Variants in MARS1 observed in about 807,000 individuals in gnomAD.
MARS1 encodes methionine--tRNA ligase, cytoplasmic.
MARS1 carries 80 observed loss-of-function variants against 119.5 expected under a neutral mutation model. The ratio of observed to expected loss-of-function variants is 0.67; its 90% CI spans 0.56 to 0.81. The LOEUF (loss-of-function observed/expected upper bound fraction) is 0.81, where lower values mean the gene tolerates loss of function less well. Among genes scored for constraint, MARS1 ranks in the 30% least tolerant of loss-of-function variants. The pLI is 0.00. For missense variants in MARS1, 945 were observed against 1,116.5 expected (o/e 0.85, Z 2.19); for synonymous variants, 418 against 433.4 (o/e 0.96, Z 0.44).
intron 10 of MARS1, among the ~76,000 whole-genome samples, chr12:57,500,936 AAGAC>A (rs1451379482): frequency 6.6e-6 from 1 of 152,256 alleles, no homozygotes; most frequent in Non-Finnish European, 1.5e-5. Flanking sequence ...GGCAATGAAT[AAGAC>A]AGATTTTATT....
chr12:57,514,419 C>T (rs1877673446), intron 15 of MARS1, among the ~76,000 whole-genome samples: 1 of 152,096 alleles, frequency 6.6e-6, no homozygotes, highest in Non-Finnish European at 1.5e-5. Flanking sequence ...CCTCGGCCTC[C>T]CAGAGTGCTG....
rs1262405696 is a variant in MARS1 at position 57,504,236 on chromosome 12, T to C, written c.1305T>C (p.Cys435=). ...INAVELKKPQ[C]KVCRSCPVVQ... is the part of the protein sequence containing the mutation. ...ATTTTCCTTCGCAGAAGCCTCAGTG[T>C]AAAGTCTGCCGATCATGCCCTGTGG... The change falls in exon 11 of 21, where the codon TGT becomes TGC. Residue 435 remains cysteine (C), a synonymous_variant. Coordinates refer to ENST00000262027, the MANE Select transcript of MARS1 (RefSeq NM_004990.4). 6.2e-7 allele frequency: 1 copy of C among 1,614,104 alleles called. No individual in the cohort carries two copies. The highest frequency in any genetic ancestry group is 1.7e-5 in the Admixed American group (1 of 60,016).
At chr12:57,499,580 G>C (rs1876818351) in intron 9 of MARS1, among the ~76,000 whole-genome samples, 1 of 144,544 alleles carries the variant, frequency 6.9e-6, no homozygotes, top group South Asian at 2.2e-4. Context: ...CTTCAGACTT[G>C]GTGACGGAGT....
rs764925114 is a variant in MARS1 at position 57,514,787 on chromosome 12, C to G, written c.2035C>G (p.Gln679Glu). The G allele has an allele frequency of 6.2e-7, 1 of 1,614,212 alleles. No homozygotes were observed. The highest frequency in any genetic ancestry group is 1.7e-5 in the Admixed American group (1 of 60,028). ...VPEMVLTPDD[Q>E]RLLAHVTLEL... ...TGAGATGGTGCTCACCCCTGATGAT[C>G]AGCGCCTGCTGGCCCATGTCACCCT... Residue 679 changes from glutamine to glutamate, a missense_variant, in exon 16 of 21, where the codon CAG becomes GAG. Gln to Glu is a conservative substitution (Grantham distance 29, BLOSUM62 2). Transcript: ENST00000262027.
chr12:57,516,193 T>G (rs890978156), intron 19 of MARS1, 52 bp from the exon 20 acceptor site: 2 of 1,535,572 alleles, frequency 1.3e-6, no homozygotes, highest in African/African-American at 2.7e-5. Context: ...TGTATAAAAC[T>G]GGAGGTTAGG....
rs190017383 is a variant in MARS1 at position 57,505,086 on chromosome 12, C to T, written c.1368+787C>T. Among the ~76,000 whole-genome samples the T allele has an allele frequency of 1.0e-3, 156 of 151,828 alleles. 1 individual carries two copies. Among genetic ancestry groups the T allele is most frequent in the African/African-American group, 3.5e-3 (145 of 41,360 alleles). ...CTGGTGTCAAACTCTTGGGCTCAAG[C>T]AGTTCTCCTGCCTCTGCCTGCAAAC... On this transcript the variant is annotated intron_variant, in intron 11 of 20. Transcript: ENST00000262027.
chr12:57,492,522 T>C (rs957145675), intron 7 of MARS1, among the ~76,000 whole-genome samples: 9 of 151,200 alleles, frequency 6.0e-5, no homozygotes, highest in African/African-American at 2.2e-4. Flanking sequence ...TACACAAAAA[T>C]TAGCTGGGCA....
At chr12:57,507,899 T>C (rs1214659177) in intron 11 of MARS1, among the ~76,000 whole-genome samples, 3 of 131,908 alleles carry the variant, frequency 2.3e-5, no homozygotes, top group East Asian at 2.4e-4. Context: ...TCCTCACTTC[T>C]CAGACGGGGC....
chr12:57,488,453 C>T, intron 1 of MARS1: 1 of 1,020,416 alleles, frequency 9.8e-7, no homozygotes, highest in Non-Finnish European at 1.5e-6. Context: ...CCGCCTCACC[C>T]CAGTAAACTG....
intron 10 of MARS1, among the ~76,000 whole-genome samples, chr12:57,502,895 A>G (rs1594823312): frequency 6.8e-6 from 1 of 146,668 alleles, no homozygotes; most frequent in African/African-American, 2.5e-5. Context: ...GCGCGGTGGC[A>G]CGTGCCTATA....
chr12:57,504,076 G>C, intron 10 of MARS1, 149 bp from the exon 11 acceptor site: 1 of 622,156 alleles, frequency 1.6e-6, no homozygotes, highest in South Asian at 1.9e-5. Context: ...CATGTTTAGA[G>C]TAGGCCACAT....
intron 11 of MARS1, among the ~76,000 whole-genome samples, chr12:57,505,410 C>T (rs1877137612): frequency 6.6e-6 from 1 of 151,968 alleles, no homozygotes; most frequent in African/African-American, 2.4e-5. Context: ...AATCCATCCA[C>T]CTCGGCCTCC....
chr12:57,497,373 T>G (rs573389523), intron 7 of MARS1, among the ~76,000 whole-genome samples: 6 of 152,232 alleles, frequency 3.9e-5, no homozygotes, highest in African/African-American at 1.4e-4. Flanking sequence ...GAGGTTAATG[T>G]GAGGGAATCG....
chr12:57,505,098 C>T (rs887743356), intron 11 of MARS1, among the ~76,000 whole-genome samples: 13 of 151,894 alleles, frequency 8.6e-5, no homozygotes, highest in African/African-American at 3.1e-4. Flanking sequence ...GTTCTCCTGC[C>T]TCTGCCTGCA....
At chr12:57,500,144 A>G (rs1005452291) in intron 9 of MARS1, 177 bp from the exon 10 acceptor site, 8 of 644,952 alleles carry the variant, frequency 1.2e-5, no homozygotes, top group Non-Finnish European at 2.2e-5. Flanking sequence ...AATATGTGTG[A>G]TGGGTCTGAG....
Position 57,489,084 on chromosome 12 carries a change from CTCT to C in MARS1, c.179_181del (p.Phe60del). 1 of 1,614,064 alleles carries C rather than the reference CTCT, an allele frequency of 6.2e-7. No individual in the cohort carries two copies. Among genetic ancestry groups the C allele is most frequent in the Non-Finnish European group, 8.5e-7 (1 of 1,180,018 alleles). On this transcript the variant is annotated inframe_deletion, in exon 2 of 21. Transcript: ENST00000262027. ...CTTGCAGCTGGATAGCGGCAACTAC[CTCT>C]TCTCCACTAGTGCAATCTGCCGGTC...
In MARS1 at chr12:57,512,803, G is replaced by A. The variant is rs1297933594; in HGVS notation, c.1806G>A (p.Val602=). Residue 602 remains valine, a synonymous_variant, in exon 15 of 21, where the codon GTG becomes GTA. Transcript: ENST00000262027. ...TCTCTAAGAGCCGCGGTGTGGGAGT[G>A]TTTGGGGACATGGCCCAGGACACGG... The part of the protein sequence containing the change: ...GKFSKSRGVG[V]FGDMAQDTGI... 1 of 1,614,238 alleles carries A rather than the reference G, an allele frequency of 6.2e-7. No homozygotes were observed. Among genetic ancestry groups the A allele is most frequent in the Non-Finnish European group, 8.5e-7 (1 of 1,180,040 alleles).
At chr12:57,502,829 C>G (rs944326186) in intron 10 of MARS1, among the ~76,000 whole-genome samples, 10 of 151,448 alleles carry the variant, frequency 6.6e-5, no homozygotes, top group African/African-American at 2.4e-4. Context: ...AGTTTGAGAC[C>G]AGCCTAAACA....
intron 11 of MARS1, among the ~76,000 whole-genome samples, chr12:57,510,269 C>T (rs898850413): frequency 4.0e-5 from 6 of 151,798 alleles, no homozygotes; most frequent in Non-Finnish European, 5.9e-5. Flanking sequence ...GTCAATAGAC[C>T]GAGACCATCC....
Sources: gnomAD v4.1 joint callset for allele counts (sites outside exome capture counted in the v4.1 genomes callset) on GRCh38, gnomAD v4.1.1 for gene constraint, MANE v1.5 for transcripts, NCBI Gene and HGNC (gene_info 2026-07-23, HGNC 2026-07-21) for gene names.